The following UGT2B15 variants were observed in gnomAD, a reference collection of about 807,000 sequenced individuals.
UGT2B15 encodes the protein UDP-glucuronosyltransferase 2B15.
In UGT2B15, 36 loss-of-function variants were observed where a neutral mutation model predicts 45.9. The ratio of observed to expected loss-of-function variants is 0.78; its 90% CI spans 0.60 to 1.04. The LOEUF is 1.04. Among genes scored for constraint, UGT2B15 ranks in the 50% least tolerant of loss-of-function variants. The pLI, the probability that UGT2B15 is intolerant of heterozygous loss-of-function variation, is 0.00. For synonymous variants in UGT2B15, 219 were observed against 216.4 expected (o/e 1.01, Z -0.11); for missense variants, 617 against 622.4 (o/e 0.99, Z 0.09).
intron 3 of UGT2B15, among the ~76,000 whole-genome samples, chr4:68,660,718 C>T (rs138866732): frequency 5.7e-4 from 86 of 151,940 alleles, no homozygotes; most frequent in Middle Eastern, 3.4e-3. Flanking sequence ...TTTTTCATGG[C>T]GACACGTCTT....
In UGT2B15 at chr4:68,670,441, C is replaced by A; in HGVS notation, c.178G>T (p.Ala60Ser). 6.2e-7 allele frequency: 1 copy of A among 1,613,882 alleles called. No homozygotes were observed. The highest frequency in any genetic ancestry group is 8.5e-7 in the Non-Finnish European group (1 of 1,179,958). The change falls in exon 1 of 6, where the codon GCT becomes TCT. Residue 60 changes from alanine (A) to serine (S), a missense_variant. Transcript: ENST00000338206. Reference sequence around the variant, plus strand: ...TTACTGGCATTGACAAGAGTAGAAGCCGAAGATGTCAACACAGTCACCTCA... The same window carrying A: ...TTACTGGCATTGACAAGAGTAGAAGACGAAGATGTCAACACAGTCACCTCA... ...GHEVTVLTSS[A>S]STLVNASKSS...
At chr4:68,653,072 A>G (rs1007612619) in intron 5 of UGT2B15, among the ~76,000 whole-genome samples, 2 of 152,088 alleles carry the variant, frequency 1.3e-5, no homozygotes, top group Non-Finnish European at 1.5e-5. Flanking sequence ...TGGTAATGAA[A>G]AATGATGCAA....
chr4:68,650,994 TG>T (rs1272952182), intron 5 of UGT2B15, among the ~76,000 whole-genome samples: 1,083 of 63,648 alleles, frequency 0.017, 21 homozygotes, highest in African/African-American at 0.044. Context: ...TTGATGGTGT[TG>T]TTTTTTTTTT....
intron 2 of UGT2B15, among the ~76,000 whole-genome samples, chr4:68,663,868 T>C (rs538277591): frequency 6.6e-6 from 1 of 151,046 alleles, no homozygotes; most frequent in East Asian, 2.0e-4. Context: ...GTTCTGAGAA[T>C]TCCATTTATA....
At position 68,670,209 on chromosome 4, in the gene UGT2B15, A is replaced by C; in HGVS notation, c.410T>G (p.Leu137Arg). 4 of 1,614,042 alleles carry C rather than the reference A, an allele frequency of 2.5e-6. No individual in the cohort carries two copies. The highest frequency in any genetic ancestry group is 3.4e-6 in the Non-Finnish European group (4 of 1,179,976). ...CTTTGACTCTTGTAGTTTCATCATA[A>C]GTTTCTTATTCAAAACTGCATCTTT... ...LCKDAVLNKK[L>R]MMKLQESKFD... is the part of the protein sequence containing the mutation. The change falls in exon 1 of 6, where the codon CTT becomes CGT. Residue 137 changes from leucine to arginine, a missense_variant. Transcript: ENST00000338206.
At chr4:68,660,697 C>T (rs546737837) in intron 3 of UGT2B15, among the ~76,000 whole-genome samples, 31 of 151,998 alleles carry the variant, frequency 2.0e-4, no homozygotes, top group African/African-American at 7.2e-4. Flanking sequence ...ACAGTTTGGA[C>T]TGAATTCTAA....
At chr4:68,664,429 C>A (rs536472889) in intron 2 of UGT2B15, among the ~76,000 whole-genome samples, 1 of 152,114 alleles carries the variant, frequency 6.6e-6, no homozygotes, top group African/African-American at 2.4e-5. Context: ...TCTGTCATAA[C>A]AAATATACTT....
At chr4:68,653,820 T>C (rs1202284005) in intron 5 of UGT2B15, among the ~76,000 whole-genome samples, 1 of 152,084 alleles carries the variant, frequency 6.6e-6, no homozygotes, top group Non-Finnish European at 1.5e-5. Context: ...TTTTTTGATT[T>C]TATAATTCAT....
At chr4:68,662,562 T>G (rs1732997338) in intron 3 of UGT2B15, among the ~76,000 whole-genome samples, 1 of 148,576 alleles carries the variant, frequency 6.7e-6, no homozygotes, top group African/African-American at 2.5e-5. Flanking sequence ...CGAAGCTGCA[T>G]GATGCATTTC....
In UGT2B15 at chr4:68,670,086, C is replaced by T; in HGVS notation, c.533G>A (p.Gly178Asp). ...PFLYSLRFSV[G>D]YTFEKNGGGF... ...TCCACCATTCTTCTCAAATGTGTAG[C>T]CAACAGAGAATCGAAGACTGTACAG... Residue 178 changes from glycine (G) to aspartate (D), a missense_variant, in exon 1 of 6, where the codon GGC becomes GAC. Gly to Asp is a moderately conservative substitution (Grantham distance 94). Around this residue, in one of 3 missense-constraint regions of UGT2B15, gnomAD observed 351 missense variants for 342.1 expected, o/e 1.03. Coordinates refer to ENST00000338206, the MANE Select transcript of UGT2B15 (RefSeq NM_001076.4). 1 of 1,614,068 alleles carries T rather than the reference C, an allele frequency of 6.2e-7. No individual in the cohort carries two copies. Among genetic ancestry groups the T allele is most frequent in the South Asian group, 1.1e-5 (1 of 91,078 alleles).
Position 68,659,018 on chromosome 4 carries a change from T to A in UGT2B15, c.1006-3836A>T, listed in dbSNP as rs1246287539. 4.6e-5 allele frequency among the ~76,000 whole-genome samples: 7 copies of A among 152,048 alleles called. 1 individual carries two copies. The highest frequency in any genetic ancestry group is 1.7e-4 in the African/African-American group (7 of 41,412). ...GCCCCTGTGTCAGATTAACAAGGTT[T>A]TCTGGAAGCATAAACTGACTTCTTA... On this transcript the variant is annotated intron_variant, in intron 3 of 5. Coordinates refer to ENST00000338206, the MANE Select transcript of UGT2B15 (RefSeq NM_001076.4).
Position 68,646,771 on chromosome 4 carries a change from G to A in UGT2B15, c.*333C>T, listed in dbSNP as rs1732484430. On this transcript the variant is annotated 3_prime_UTR_variant, in exon 6 of 6. Coordinates refer to ENST00000338206, the MANE Select transcript of UGT2B15 (RefSeq NM_001076.4). Reference sequence around the variant, plus strand: ...TTTTTAAATTATACTTTAAGTTTTAGGGTACATGTGCACAACGTGCAGGTT... The same window carrying A: ...TTTTTAAATTATACTTTAAGTTTTAAGGTACATGTGCACAACGTGCAGGTT... 1.7e-5 allele frequency: 3 copies of A among 173,606 alleles called. No individual in the cohort carries two copies. The highest frequency in any genetic ancestry group is 3.5e-5 in the Non-Finnish European group (3 of 84,624). The allele number at this position is 173,606 out of a possible 1,614,324, so 10.8% of individuals were successfully genotyped here. A position where few individuals can be genotyped will look rare whatever the true frequency, so the allele number is the denominator to read the frequency against.
intron 3 of UGT2B15, among the ~76,000 whole-genome samples, chr4:68,660,992 T>C (rs1732949316): frequency 6.6e-6 from 1 of 152,016 alleles, no homozygotes; most frequent in African/African-American, 2.4e-5. Context: ...CTTTCTCCCT[T>C]TATTTTGTCT....
intron 5 of UGT2B15, among the ~76,000 whole-genome samples, chr4:68,649,273 C>CT (rs71218976): frequency 0.36 from 32,920 of 91,626 alleles, 7,224 homozygotes; most frequent in East Asian, 0.69. Flanking sequence ...TTCATATAAT[C>CT]TTTTTTTTTT....
Position 68,663,777 on chromosome 4 carries a change from C to A in UGT2B15, c.874-638G>T, listed in dbSNP as rs556202997. Among the ~76,000 whole-genome samples the A allele has an allele frequency of 2.7e-3, 414 of 150,690 alleles. 2 individuals carry two copies. Among genetic ancestry groups the A allele is most frequent in the African/African-American group, 9.4e-3 (386 of 40,896 alleles). ...CACTGCCCCCGACACCCCCACCCCC[C>A]AAAAACACCTTAAAAGCTGAAGTAT... is the stretch of plus-strand genomic sequence containing the variant. On this transcript the variant is annotated intron_variant, in intron 2 of 5. Coordinates refer to ENST00000338206, the MANE Select transcript of UGT2B15 (RefSeq NM_001076.4).
At chr4:68,665,277 T>C (rs1187751938) in intron 2 of UGT2B15, among the ~76,000 whole-genome samples, 2 of 152,190 alleles carry the variant, frequency 1.3e-5, no homozygotes, top group Admixed American at 1.3e-4. Flanking sequence ...TTATTCTCAT[T>C]GTATATGCCT....
At chr4:68,650,605 C>T (rs1288232680) in intron 5 of UGT2B15, among the ~76,000 whole-genome samples, 1 of 152,080 alleles carries the variant, frequency 6.6e-6, no homozygotes, top group Non-Finnish European at 1.5e-5. Flanking sequence ...CTGCAATAGA[C>T]ATACATGTGC....
At chr4:68,665,066 C>A (rs543511953) in intron 2 of UGT2B15, among the ~76,000 whole-genome samples, 8 of 152,254 alleles carry the variant, frequency 5.3e-5, no homozygotes, top group Admixed American at 3.9e-4. Flanking sequence ...CAGATCAGCA[C>A]TGATCTCATT....
Position 68,647,201 on chromosome 4 carries a change from A to G in UGT2B15, c.1496T>C (p.Leu499Pro). Residue 499 changes from leucine to proline, a missense_variant, in exon 6 of 6, where the codon CTG (leucine) becomes CCG (proline). By Grantham distance (98) the Leu-to-Pro change is moderately conservative (BLOSUM62 -3). This residue lies in a region of UGT2B15 where 265 missense variants were observed against 245.1 expected (regional missense o/e 1.08). Coordinates refer to ENST00000338206, the MANE Select transcript of UGT2B15 (RefSeq NM_001076.4). ...YHSLDVIAFL[L>P]ACVATVIFII... ...AAATATCACAGTTGCCACGCAGGCC[A>G]GCAGGAATGCTATCACATCCAAAGA... The G allele has an allele frequency of 3.1e-6, 5 of 1,614,000 alleles. No individual in the cohort carries two copies. Among genetic ancestry groups the G allele is most frequent in the Non-Finnish European group, 4.2e-6 (5 of 1,179,932 alleles).
Sources: allele counts gnomAD v4.1 joint callset (sites outside exome capture counted in the v4.1 genomes callset), GRCh38; gene constraint gnomAD v4.1.1; regional missense constraint gnomAD v4.1.1; transcripts MANE v1.5; gene names NCBI Gene and HGNC (gene_info 2026-07-23, HGNC 2026-07-21).